The following ARF6 variants were observed in gnomAD, a reference collection of about 807,000 sequenced individuals.
ARF6 encodes ARF GTPase 6.
For synonymous variants in ARF6, 127 were observed against 95.5 expected (o/e 1.33, Z -1.92); for missense variants, 75 against 232.0 (o/e 0.32, Z 4.40).
rs1177503950 is a variant in ARF6, at chr14:49,894,860, A to C, written c.*596A>C. ...ATTTCAAATGTGACCTTTTATATCT[A>C]AGACCAGTATAGTAAACTTAGCCCA... On this transcript the variant is annotated 3_prime_UTR_variant, in exon 2 of 2. Transcript: ENST00000298316. 6.0e-6 allele frequency: 1 copy of C among 167,194 alleles called. No homozygotes were observed. Among genetic ancestry groups the C allele is most frequent in the Non-Finnish European group, 1.5e-5 (1 of 68,240 alleles). The allele number at this position is 167,194 out of a possible 1,614,324, so 10.4% of individuals were successfully genotyped here. A position where few individuals can be genotyped will look rare whatever the true frequency, so the allele number is the denominator to read the frequency against.
In ARF6 at chr14:49,894,898, A is replaced by G. The variant is rs551336313; in HGVS notation, c.*634A>G. ...TAAACTTAGCCCACAGTGGCAAATA[A>G]TGAGTAATATTGTAATATGTTCCAG... On this transcript the variant is annotated 3_prime_UTR_variant, in exon 2 of 2. Transcript: ENST00000298316. The G allele has an allele frequency of 4.2e-5, 7 of 167,210 alleles. No homozygotes were observed. The highest frequency in any genetic ancestry group is 1.7e-4 in the African/African-American group (7 of 41,560). The allele number at this position is 167,210 out of a possible 1,614,324, so 10.4% of individuals were successfully genotyped here. A position where few individuals can be genotyped will look rare whatever the true frequency, so the allele number is the denominator to read the frequency against.
chr14:49,894,082 A>G lies in ARF6; in HGVS notation c.346A>G (p.Ile116Val). ...CAATGACCGGGAGATGAGGGACGCCATAATCCTCATCTTCGCCAACAAGCA... is the reference window on the plus strand; with the variant it reads ...CAATGACCGGGAGATGAGGGACGCCGTAATCCTCATCTTCGCCAACAAGCA... ...IINDREMRDA[I>V]ILIFANKQDL... is the part of the protein sequence containing the mutation. Residue 116 changes from isoleucine (I) to valine (V), a missense_variant, in exon 2 of 2, where the codon ATA becomes GTA. Physicochemically the swap from Ile to Val is conservative, Grantham distance 29 (BLOSUM62 3). Coordinates refer to ENST00000298316, the MANE Select transcript of ARF6 (RefSeq NM_001663.4). The G allele has an allele frequency of 1.9e-6, 3 of 1,614,166 alleles. No individual in the cohort carries two copies. The highest frequency in any genetic ancestry group is 2.5e-6 in the Non-Finnish European group (3 of 1,180,030).
In ARF6 at chr14:49,893,304, A is replaced by G. The variant is rs944407552; in HGVS notation, c.-433A>G. On this transcript the variant is annotated 5_prime_UTR_variant, in exon 2 of 2. Coordinates refer to ENST00000298316, the MANE Select transcript of ARF6 (RefSeq NM_001663.4). ...GATCCATGACCTGACGGGGCCCCGG[A>G]GCCGCGCTGCCTCTCGGGTGTCCTG... The G allele has an allele frequency of 7.1e-5, 11 of 155,936 alleles. No individual in the cohort carries two copies. The highest frequency in any genetic ancestry group is 2.0e-4 in the South Asian group (1 of 5,066). 9.7% of individuals were successfully genotyped at this position (155,936 alleles called of 1,614,324 possible). A position where few individuals can be genotyped will look rare whatever the true frequency, so the allele number is the denominator to read the frequency against.
rs537902204 is a variant in ARF6 at position 49,893,526 on chromosome 14, G to C, written c.-211G>C. 1.2e-5 allele frequency: 7 copies of C among 590,522 alleles called. No individual in the cohort carries two copies. In the East Asian group the frequency reaches 1.5e-4, roughly 12 times the overall value. The allele number at this position is 590,522 out of a possible 1,614,324, so 36.6% of individuals were successfully genotyped here. A position where few individuals can be genotyped will look rare whatever the true frequency, so the allele number is the denominator to read the frequency against. ...AGCGCAGTCTCAGGGCCCGGGTGGC[G>C]GCGGCGACTGGAGAAATCAAGTTGT... On this transcript the variant is annotated 5_prime_UTR_variant, in exon 2 of 2. Coordinates refer to ENST00000298316, the MANE Select transcript of ARF6 (RefSeq NM_001663.4).
In ARF6 at chr14:49,894,839, C is replaced by T. The variant is rs1424079666; in HGVS notation, c.*575C>T. ...CTTATGAGTTCTAACTTAGTAATTT[C>T]AAATGTGACCTTTTATATCTAAGAC... On this transcript the variant is annotated 3_prime_UTR_variant, in exon 2 of 2. Coordinates refer to ENST00000298316, the MANE Select transcript of ARF6 (RefSeq NM_001663.4). The T allele has an allele frequency of 6.0e-6, 1 of 166,974 alleles. No individual in the cohort carries two copies. The highest frequency in any genetic ancestry group is 2.4e-5 in the African/African-American group (1 of 41,334). The allele number at this position is 166,974 out of a possible 1,614,324, so 10.3% of individuals were successfully genotyped here.
In ARF6 at chr14:49,895,636, C is replaced by G. The variant is rs775615301; in HGVS notation, c.*1372C>G. 3.0e-5 allele frequency: 5 copies of G among 166,752 alleles called. No individual in the cohort carries two copies. Among genetic ancestry groups the G allele is most frequent in the African/African-American group, 1.2e-4 (5 of 41,318 alleles). 10.3% of individuals were successfully genotyped at this position (166,752 alleles called of 1,614,324 possible). A position where few individuals can be genotyped will look rare whatever the true frequency, so the allele number is the denominator to read the frequency against. ...CTTGAGGGATGACTATTAAAGGGGA[C>G]GTAGGATGAAGAGAAAGAACCTACA... On this transcript the variant is annotated 3_prime_UTR_variant, in exon 2 of 2. Coordinates refer to ENST00000298316, the MANE Select transcript of ARF6 (RefSeq NM_001663.4).
rs1187659862 is a variant in ARF6, at chr14:49,893,486, A to C, written c.-251A>C. 1.4e-5 allele frequency: 6 copies of C among 439,696 alleles called. No homozygotes were observed. The highest frequency in any genetic ancestry group is 2.4e-5 in the Non-Finnish European group (6 of 246,678). 27.2% of individuals were successfully genotyped at this position (439,696 alleles called of 1,614,324 possible). On this transcript the variant is annotated 5_prime_UTR_variant, in exon 2 of 2. Transcript: ENST00000298316. ...GTTCCGGGCCGGGCCGCGCCTCAGCAGGGCGGCGGCTCCCAGCGCAGTCTC... is the reference window on the plus strand; with the variant it reads ...GTTCCGGGCCGGGCCGCGCCTCAGCCGGGCGGCGGCTCCCAGCGCAGTCTC...
rs1269910063 is a variant in ARF6 at position 49,894,412 on chromosome 14, G to T, written c.*148G>T. 2 of 806,114 alleles carry T rather than the reference G, an allele frequency of 2.5e-6. No homozygotes were observed. Among genetic ancestry groups the T allele is most frequent in the South Asian group, 5.3e-5 (2 of 37,770 alleles). 49.9% of individuals were successfully genotyped at this position (806,114 alleles called of 1,614,324 possible). On this transcript the variant is annotated 3_prime_UTR_variant, in exon 2 of 2. Coordinates refer to ENST00000298316, the MANE Select transcript of ARF6 (RefSeq NM_001663.4). ...TGTTCTACAGTTTGGCGGGGACGGG[G>T]CTTGGGGGTTTTCTCTTTTGTTTGT...
rs1447656076 is a variant in ARF6 at position 49,893,642 on chromosome 14, G to A, written c.-95G>A. Reference sequence around the variant, plus strand: ...AGGCCGCAAAGGCGCTCTCGCGGCCGAGAGGCTTCGTTTCGGTTTCGCGGC... The same window carrying A: ...AGGCCGCAAAGGCGCTCTCGCGGCCAAGAGGCTTCGTTTCGGTTTCGCGGC... On this transcript the variant is annotated 5_prime_UTR_variant, in exon 2 of 2. Transcript: ENST00000298316. 6.7e-6 allele frequency: 10 copies of A among 1,498,816 alleles called. No individual in the cohort carries two copies. The highest frequency in any genetic ancestry group is 9.1e-6 in the Non-Finnish European group (10 of 1,104,820). The allele number at this position is 1,498,816 out of a possible 1,614,324, so 92.8% of individuals were successfully genotyped here. A position where few individuals can be genotyped will look rare whatever the true frequency, so the allele number is the denominator to read the frequency against.
Position 49,893,141 on chromosome 14 carries a change from C to T in ARF6, c.-498C>T, listed in dbSNP as rs1028321043. ...TTGGAGGCCGGAGGGAGCCCGCGCT[C>T]GGGGCGGCGGCTGGAGGTAACCCCT... On this transcript the variant is annotated 5_prime_UTR_variant, in exon 1 of 2. Coordinates refer to ENST00000298316, the MANE Select transcript of ARF6 (RefSeq NM_001663.4). 1 of 152,814 alleles carries T rather than the reference C, an allele frequency of 6.5e-6. No homozygotes were observed. Among genetic ancestry groups the T allele is most frequent in the Non-Finnish European group, 1.5e-5 (1 of 68,598 alleles). The allele number at this position is 152,814 out of a possible 1,614,324, so 9.5% of individuals were successfully genotyped here.
rs1483295675 is a variant in ARF6, at chr14:49,894,766, A to G, written c.*502A>G. 1.8e-5 allele frequency: 3 copies of G among 167,690 alleles called. No homozygotes were observed. In the Admixed American group the frequency reaches 1.9e-4, roughly 11 times the overall value. 10.4% of individuals were successfully genotyped at this position (167,690 alleles called of 1,614,324 possible). ...TCTAGTAAACTGAAAATTATTGCTT[A>G]ATCAAACTGCCGTTTGTCTTTTATA... On this transcript the variant is annotated 3_prime_UTR_variant, in exon 2 of 2. Coordinates refer to ENST00000298316, the MANE Select transcript of ARF6 (RefSeq NM_001663.4).
At position 49,896,468 on chromosome 14, in the gene ARF6, C is replaced by A. The variant is rs945754093; in HGVS notation, c.*2204C>A. On this transcript the variant is annotated 3_prime_UTR_variant, in exon 2 of 2. Coordinates refer to ENST00000298316, the MANE Select transcript of ARF6 (RefSeq NM_001663.4). ...GAAACTTGAAACCCTCATGTTAAATCTTAAATGTAGTATTTCTAACTTGTG... is the reference window on the plus strand; with the variant it reads ...GAAACTTGAAACCCTCATGTTAAATATTAAATGTAGTATTTCTAACTTGTG... 1 of 167,006 alleles carries A rather than the reference C, an allele frequency of 6.0e-6. No individual in the cohort carries two copies. The highest frequency in any genetic ancestry group is 1.5e-5 in the Non-Finnish European group (1 of 68,080). The allele number at this position is 167,006 out of a possible 1,614,324, so 10.3% of individuals were successfully genotyped here.
At position 49,894,528 on chromosome 14, in the gene ARF6, T is replaced by A. The variant is rs1894495652; in HGVS notation, c.*264T>A. 13 of 366,962 alleles carry A rather than the reference T, an allele frequency of 3.5e-5. No homozygotes were observed. 22.7% of individuals were successfully genotyped at this position (366,962 alleles called of 1,614,324 possible). A position where few individuals can be genotyped will look rare whatever the true frequency, so the allele number is the denominator to read the frequency against. On this transcript the variant is annotated 3_prime_UTR_variant, in exon 2 of 2. Transcript: ENST00000298316. ...CTGACATTTGACATGAACACAAAGT[T>A]GCTAGATGCTCTTGTTGACTTCCAG...
Position 49,896,633 on chromosome 14 carries a change from C to T in ARF6, c.*2369C>T, listed in dbSNP as rs1237696403. ...TTTTTAGTTTATTTGAAATGTTTGA[C>T]TGGAAAGGGGGGAGGGGGAAGCAAA... is the stretch of plus-strand genomic sequence containing the variant. On this transcript the variant is annotated 3_prime_UTR_variant, in exon 2 of 2. Coordinates refer to ENST00000298316, the MANE Select transcript of ARF6 (RefSeq NM_001663.4). The T allele has an allele frequency of 2.4e-5, 4 of 166,642 alleles. No individual in the cohort carries two copies. The highest frequency in any genetic ancestry group is 5.9e-5 in the Non-Finnish European group (4 of 68,022). 10.3% of individuals were successfully genotyped at this position (166,642 alleles called of 1,614,324 possible).
chr14:49,893,785 C>G lies in ARF6; in HGVS notation c.49C>G (p.Leu17Val). The G allele has an allele frequency of 6.2e-7, 1 of 1,614,256 alleles. No individual in the cohort carries two copies. ...CTTCGGGAACAAGGAAATGCGGATCCTCATGTTGGGCCTGGACGCGGCCGG... is the reference window on the plus strand; with the variant it reads ...CTTCGGGAACAAGGAAATGCGGATCGTCATGTTGGGCCTGGACGCGGCCGG... ...KIFGNKEMRI[L>V]MLGLDAAGKT... Residue 17 changes from leucine to valine, a missense_variant, in exon 2 of 2, where the codon CTC becomes GTC. Coordinates refer to ENST00000298316, the MANE Select transcript of ARF6 (RefSeq NM_001663.4).
rs1219888558 is a variant in ARF6 at position 49,896,786 on chromosome 14, A to G, written c.*2522A>G. 1 of 167,078 alleles carries G rather than the reference A, an allele frequency of 6.0e-6. No homozygotes were observed. The highest frequency in any genetic ancestry group is 2.1e-4 in the South Asian group (1 of 4,832). The allele number at this position is 167,078 out of a possible 1,614,324, so 10.3% of individuals were successfully genotyped here. A position where few individuals can be genotyped will look rare whatever the true frequency, so the allele number is the denominator to read the frequency against. On this transcript the variant is annotated 3_prime_UTR_variant, in exon 2 of 2. Transcript: ENST00000298316. ...TTGAACAATAACCATTGGTGACTGG[A>G]GCAGGTAATTATAGCCTGCAGAAAA...
chr14:49,896,149 G>T lies in ARF6; in HGVS notation c.*1885G>T, dbSNP rs1396250787. Reference sequence around the variant, plus strand: ...TTTTACTTAAAGCAGATGCAAAAGGGTATTCTCATGTAGGCTCCTGTTGGT... The same window carrying T: ...TTTTACTTAAAGCAGATGCAAAAGGTTATTCTCATGTAGGCTCCTGTTGGT... On this transcript the variant is annotated 3_prime_UTR_variant, in exon 2 of 2. Coordinates refer to ENST00000298316, the MANE Select transcript of ARF6 (RefSeq NM_001663.4). 2 of 165,490 alleles carry T rather than the reference G, an allele frequency of 1.2e-5. No individual in the cohort carries two copies. The highest frequency in any genetic ancestry group is 4.8e-5 in the African/African-American group (2 of 41,434). 10.3% of individuals were successfully genotyped at this position (165,490 alleles called of 1,614,324 possible). A position where few individuals can be genotyped will look rare whatever the true frequency, so the allele number is the denominator to read the frequency against.
chr14:49,893,518 C>G lies in ARF6; in HGVS notation c.-219C>G. ...CGGCTCCCAGCGCAGTCTCAGGGCC[C>G]GGGTGGCGGCGGCGACTGGAGAAAT... is the stretch of plus-strand genomic sequence containing the variant. On this transcript the variant is annotated 5_prime_UTR_variant, in exon 2 of 2. Transcript: ENST00000298316. 1.7e-6 allele frequency: 1 copy of G among 574,626 alleles called. No homozygotes were observed. The highest frequency in any genetic ancestry group is 3.0e-6 in the Non-Finnish European group (1 of 329,976). The allele number at this position is 574,626 out of a possible 1,614,324, so 35.6% of individuals were successfully genotyped here.
Position 49,895,033 on chromosome 14 carries a change from A to C in ARF6, c.*769A>C. On this transcript the variant is annotated 3_prime_UTR_variant, in exon 2 of 2. Coordinates refer to ENST00000298316, the MANE Select transcript of ARF6 (RefSeq NM_001663.4). ...AGGAATAAAACCCAAGTTCCCCATA[A>C]CGTAGATAACTTAATGCTGCATAAA... 1 of 167,162 alleles carries C rather than the reference A, an allele frequency of 6.0e-6. No individual in the cohort carries two copies. 10.4% of individuals were successfully genotyped at this position (167,162 alleles called of 1,614,324 possible).
Sources: allele counts gnomAD v4.1 joint callset, GRCh38; gene constraint gnomAD v4.1.1; transcripts MANE v1.5; gene names NCBI Gene and HGNC (gene_info 2026-07-23, HGNC 2026-07-21).